Variants in ALX4 observed in about 807,000 individuals in gnomAD.
ALX4 encodes ALX homeobox 4, also known as homeobox protein aristaless-like 4.
ALX4 carries 22 observed loss-of-function variants against 40.6 expected under a neutral mutation model. The ratio of observed to expected loss-of-function variants is 0.54; its 90% confidence interval spans 0.39 to 0.77. ALX4 has a LOEUF of 0.77. Among genes scored for constraint, ALX4 ranks in the 30% least tolerant of loss-of-function variants. The pLI is 0.00. For missense variants in ALX4, 556 were observed against 564.8 expected (o/e 0.98, Z 0.16); for synonymous variants, 266 against 240.5 (o/e 1.11, Z -0.98).
intron 1 of ALX4, among the ~76,000 whole-genome samples, chr11:44,301,528 C>A (rs544235932): frequency 1.3e-5 from 2 of 152,340 alleles, no homozygotes; most frequent in East Asian, 3.9e-4. Context: ...TCCTGCTGTC[C>A]TCTAATGCCC....
chr11:44,296,950 A>G lies in ALX4; in HGVS notation c.466+12647T>C, dbSNP rs369645044. Among the ~76,000 whole-genome samples the G allele has an allele frequency of 3.4e-5, 5 of 147,910 alleles. No homozygotes were observed. The East Asian group carries it at 1.0e-3, about 31-fold the overall frequency. ...CTTGAACCCGGGAGGTGGAGATTGC[A>G]GTGAGCTGAGATTGCACCATTTCAT... On this transcript the variant is annotated intron_variant, in intron 1 of 3. Coordinates refer to ENST00000652299, the MANE Select transcript of ALX4 (RefSeq NM_021926.4).
chr11:44,260,607 G>A lies in ALX4; in HGVS notation c.*4247C>T, dbSNP rs957065974. ...TCCGTGTTCCTCCTCTCCCAAAAAAGATGTAAGTGCAATAACTTACTTTAA... is the reference window on the plus strand; with the variant it reads ...TCCGTGTTCCTCCTCTCCCAAAAAAAATGTAAGTGCAATAACTTACTTTAA... On this transcript the variant is annotated 3_prime_UTR_variant, in exon 4 of 4. Transcript: ENST00000652299. 1 of 152,084 alleles carries A rather than the reference G, an allele frequency of 6.6e-6. No individual in the cohort carries two copies. The highest frequency in any genetic ancestry group is 1.5e-5 in the Non-Finnish European group (1 of 68,022). The allele number at this position is 152,084 out of a possible 1,614,324, so 9.4% of individuals were successfully genotyped here. A position where few individuals can be genotyped will look rare whatever the true frequency, so the allele number is the denominator to read the frequency against.
At chr11:44,305,329 T>C (rs1018486064) in intron 1 of ALX4, among the ~76,000 whole-genome samples, 3 of 152,226 alleles carry the variant, frequency 2.0e-5, no homozygotes, top group Non-Finnish European at 4.4e-5. Context: ...TTAACAACTT[T>C]TGTGTTTGGA....
At chr11:44,302,906 A>G (rs1223502670) in intron 1 of ALX4, among the ~76,000 whole-genome samples, 1 of 152,196 alleles carries the variant, frequency 6.6e-6, no homozygotes, top group African/African-American at 2.4e-5. Context: ...ACCAGCACAG[A>G]AACTCCAAGA....
chr11:44,263,613 G>A lies in ALX4; in HGVS notation c.*1241C>T, dbSNP rs1956194880. The A allele has an allele frequency of 6.6e-6, 1 of 152,414 alleles. No individual in the cohort carries two copies. The highest frequency in any genetic ancestry group is 6.5e-5 in the Admixed American group (1 of 15,288). The allele number at this position is 152,414 out of a possible 1,614,324, so 9.4% of individuals were successfully genotyped here. A position where few individuals can be genotyped will look rare whatever the true frequency, so the allele number is the denominator to read the frequency against. The stretch of plus-strand genomic sequence containing the variant: ...AGAGCAACACCTCCTAGTGCCTGGA[G>A]GGACACAGAGCCCCCATCTGCCGTG... On this transcript the variant is annotated 3_prime_UTR_variant, in exon 4 of 4. Coordinates refer to ENST00000652299, the MANE Select transcript of ALX4 (RefSeq NM_021926.4).
In ALX4 at chr11:44,309,585, A is replaced by T. The variant is rs1956493116; in HGVS notation, c.466+12T>A. 5 of 1,573,062 alleles carry T rather than the reference A, an allele frequency of 3.2e-6. No homozygotes were observed. The highest frequency in any genetic ancestry group is 4.3e-6 in the Non-Finnish European group (5 of 1,168,622). ...TGGTCCCCAGCACCAGGTGACCCGC[A>T]CGTGCACTCACCGTAGCAGGGAACC... On this transcript the variant is annotated intron_variant, in intron 1 of 3. Coordinates refer to ENST00000652299, the MANE Select transcript of ALX4 (RefSeq NM_021926.4).
chr11:44,308,476 C>T (rs748189912), intron 1 of ALX4, among the ~76,000 whole-genome samples: 9 of 152,234 alleles, frequency 5.9e-5, no homozygotes, highest in African/African-American at 1.2e-4. Flanking sequence ...CCAAGGCCTC[C>T]GGGTATGTGC....
chr11:44,299,279 C>T (rs1457734761), intron 1 of ALX4, among the ~76,000 whole-genome samples: 4 of 151,310 alleles, frequency 2.6e-5, no homozygotes, highest in Non-Finnish European at 4.4e-5. Flanking sequence ...TGACAGGTGC[C>T]GAAATTTACT....
At chr11:44,281,569 C>T (rs183084303) in intron 1 of ALX4, among the ~76,000 whole-genome samples, 10 of 152,064 alleles carry the variant, frequency 6.6e-5, no homozygotes, top group Admixed American at 5.2e-4. Flanking sequence ...CACCCTGTGG[C>T]GGAGTGCACA....
chr11:44,261,843 C>T lies in ALX4; in HGVS notation c.*3011G>A, dbSNP rs1459609291. ...ATTCGCATAGCAATGAACCACGTGG[C>T]AGGTAGATGCTTCTCTCCACCTGCC... is the stretch of plus-strand genomic sequence containing the variant. On this transcript the variant is annotated 3_prime_UTR_variant, in exon 4 of 4. Coordinates refer to ENST00000652299, the MANE Select transcript of ALX4 (RefSeq NM_021926.4). The T allele has an allele frequency of 6.6e-6, 1 of 152,290 alleles. No homozygotes were observed. Among genetic ancestry groups the T allele is most frequent in the African/African-American group, 2.4e-5 (1 of 41,472 alleles). The allele number at this position is 152,290 out of a possible 1,614,324, so 9.4% of individuals were successfully genotyped here.
chr11:44,265,246 C>T lies in ALX4; in HGVS notation c.907-63G>A. 3 of 1,449,390 alleles carry T rather than the reference C, an allele frequency of 2.1e-6. No homozygotes were observed. In the South Asian group the frequency reaches 4.1e-5, roughly 20 times the overall value. The allele number at this position is 1,449,390 out of a possible 1,614,324, so 89.8% of individuals were successfully genotyped here. On this transcript the variant is annotated intron_variant, in intron 3 of 3. Coordinates refer to ENST00000652299, the MANE Select transcript of ALX4 (RefSeq NM_021926.4). ...CAGGTGTGGTGTGGAAGGGGCTCGCCCCTTCCCCCAGAGCACCTCTCCCCT... is the reference window on the plus strand; with the variant it reads ...CAGGTGTGGTGTGGAAGGGGCTCGCTCCTTCCCCCAGAGCACCTCTCCCCT...
chr11:44,275,680 T>A (rs374136767), intron 1 of ALX4, 22 bp from the exon 2 acceptor site: 9 of 1,609,454 alleles, frequency 5.6e-6, no homozygotes, highest in Non-Finnish European at 7.6e-6. Flanking sequence ...GGAAACAAAG[T>A]CAGAAACCAA....
intron 1 of ALX4, among the ~76,000 whole-genome samples, chr11:44,308,622 T>TAGCC (rs1956483384): frequency 6.6e-6 from 1 of 152,258 alleles, no homozygotes; most frequent in African/African-American, 2.4e-5. Context: ...AGAGACGTCC[T>TAGCC]TGAGTGTCTC....
At chr11:44,266,865 G>T (rs78969013) in intron 3 of ALX4, among the ~76,000 whole-genome samples, 1 of 152,122 alleles carries the variant, frequency 6.6e-6, no homozygotes, top group Non-Finnish European at 1.5e-5. Flanking sequence ...GGGGAGGACA[G>T]GGCCCCAGAA....
chr11:44,278,430 G>A (rs867084811), intron 1 of ALX4, among the ~76,000 whole-genome samples: 3 of 152,204 alleles, frequency 2.0e-5, no homozygotes, highest in South Asian at 2.1e-4. Context: ...TGACCAAGGC[G>A]TCCTGCTCTG....
chr11:44,309,509 A>G (rs931294023), intron 1 of ALX4, 88 bp downstream of exon 1: 82 of 1,520,162 alleles, frequency 5.4e-5, no homozygotes, highest in Non-Finnish European at 6.7e-5. Flanking sequence ...CCGCCAACTC[A>G]TACCTCCCGC....
intron 1 of ALX4, among the ~76,000 whole-genome samples, chr11:44,297,446 G>A (rs906764708): frequency 6.6e-5 from 10 of 152,112 alleles, no homozygotes; most frequent in African/African-American, 9.7e-5. Context: ...GGCCAGGCGC[G>A]GTGGCTTATG....
intron 3 of ALX4, 42 bp downstream of exon 3, chr11:44,267,452 A>G (rs748499687): frequency 1.2e-6 from 2 of 1,610,934 alleles, no homozygotes; most frequent in South Asian, 2.2e-5. Context: ...TCAGAGCACC[A>G]GGGGCTGGGG....
intron 1 of ALX4, among the ~76,000 whole-genome samples, chr11:44,303,579 G>A (rs955411437): frequency 1.3e-5 from 2 of 152,320 alleles, no homozygotes; most frequent in Admixed American, 1.3e-4. Flanking sequence ...TGGCTCCTCA[G>A]AGCCTTGCCT....
Sources: gnomAD v4.1 joint callset for allele counts (sites outside exome capture counted in the v4.1 genomes callset) on GRCh38, gnomAD v4.1.1 for gene constraint, MANE v1.5 for transcripts, NCBI Gene and HGNC (gene_info 2026-07-23, HGNC 2026-07-21) for gene names.